The following GTF3C2 variants were observed in gnomAD, a reference collection of about 807,000 sequenced individuals.
GTF3C2 encodes general transcription factor IIIC subunit 2, also known as general transcription factor 3C polypeptide 2.
GTF3C2 carries 17 observed loss-of-function variants against 117.4 expected under a neutral mutation model. The ratio of observed to expected loss-of-function variants is 0.14; its 90% CI spans 0.10 to 0.22. The LOEUF (loss-of-function observed/expected upper bound fraction) is 0.22. Ranked by LOEUF, GTF3C2 falls within the 10% of genes least tolerant of loss-of-function variation. The pLI, the probability that GTF3C2 is intolerant of heterozygous loss-of-function variation, is 1.00. For missense variants in GTF3C2, 888 were observed against 1,143.6 expected, an observed-to-expected ratio of 0.78 and a Z score of 3.22; for synonymous variants, 437 against 427.0, an observed-to-expected ratio of 1.02 and a Z score of -0.29.
At chr2:27,330,140 C>CAAA (rs35471821) in intron 12 of GTF3C2, among the ~76,000 whole-genome samples, 8 of 84,244 alleles carry the variant, frequency 9.5e-5, no homozygotes, top group East Asian at 4.6e-4. Flanking sequence ...GACTCCGTCT[C>CAAA]AAAAAAAAAA....
Position 27,337,592 on chromosome 2 carries a change from G to C in GTF3C2, c.951-34C>G, listed in dbSNP as rs746426647. ...ACAGAAGAAGCATTAATGAAGGAGA[G>C]GGATTCTACAGCCGCACAGTCCAAT... On this transcript the variant is annotated intron_variant, in intron 5 of 18. Transcript: ENST00000264720. The C allele has an allele frequency of 2.9e-6, 4 of 1,392,296 alleles. No individual in the cohort carries two copies. In the Admixed American group the frequency reaches 5.0e-5, roughly 17 times the overall value. 86.2% of individuals were successfully genotyped at this position (1,392,296 alleles called of 1,614,324 possible). A position where few individuals can be genotyped will look rare whatever the true frequency, so the allele number is the denominator to read the frequency against.
At chr2:27,339,525 T>A (rs540788546) in intron 4 of GTF3C2, 4 of 152,278 alleles carry the variant, frequency 2.6e-5, no homozygotes, top group African/African-American at 7.2e-5. Context: ...TTGATTTTTT[T>A]AAATGTTGCA....
At chr2:27,337,131 A>C in intron 7 of GTF3C2, 113 bp downstream of exon 7, 1 of 665,370 alleles carries the variant, frequency 1.5e-6, no homozygotes, top group South Asian at 1.9e-5. Context: ...TCTTGGGACC[A>C]ACTGAACCAG....
chr2:27,356,242 G>A, intron 1 of GTF3C2: 1 of 496,036 alleles, frequency 2.0e-6, no homozygotes, highest in Non-Finnish European at 3.7e-6. Context: ...GCAGCGCGCG[G>A]GGCACAACCC....
At chr2:27,354,246 C>T (rs555394158) in intron 1 of GTF3C2, among the ~76,000 whole-genome samples, 5 of 151,926 alleles carry the variant, frequency 3.3e-5, no homozygotes, top group East Asian at 1.9e-4. Flanking sequence ...TCATGCCACT[C>T]GACTCCAGCC....
intron 12 of GTF3C2, among the ~76,000 whole-genome samples, chr2:27,333,126 G>A (rs1210588368): frequency 6.6e-6 from 1 of 150,612 alleles, no homozygotes; most frequent in African/African-American, 2.4e-5. Flanking sequence ...GGAATTATAG[G>A]CATGAGCCAC....
chr2:27,328,759 C>A, intron 15 of GTF3C2, 85 bp downstream of exon 15: 1 of 1,134,766 alleles, frequency 8.8e-7, no homozygotes, highest in Non-Finnish European at 1.3e-6. Context: ...TCCTTCTACC[C>A]AAAACTACTG....
chr2:27,337,463 GAT>G lies in GTF3C2; in HGVS notation c.1028+16_1028+17del. 1 of 1,567,854 alleles carries G rather than the reference GAT, an allele frequency of 6.4e-7. No homozygotes were observed. Among genetic ancestry groups the G allele is most frequent in the African/African-American group, 1.3e-5 (1 of 74,152 alleles). ...GGTGTCACCCTTCCTAAGCTACAGA[GAT>G]GTTGCTTCAACTTACAGCTCAGATA... On this transcript the variant is annotated intron_variant, in intron 6 of 18. Transcript: ENST00000264720.
intron 17 of GTF3C2, 101 bp downstream of exon 17, chr2:27,327,936 A>C (rs1680141868): frequency 2.1e-6 from 2 of 970,038 alleles, no homozygotes; most frequent in Non-Finnish European, 3.1e-6. Flanking sequence ...GAGGCTCCTT[A>C]GTTTTACATC....
intron 15 of GTF3C2, 51 bp downstream of exon 15, chr2:27,328,793 A>C: frequency 7.4e-7 from 1 of 1,355,078 alleles, no homozygotes; most frequent in African/African-American, 1.4e-5. Context: ...ATAGTGCATA[A>C]ATGAGCCATT....
At chr2:27,326,740 G>A in exon 19 of GTF3C2, 1 of 1,614,098 alleles carries the variant, frequency 6.2e-7, no homozygotes. Flanking sequence ...GGGGAGGATG[G>A]TTGGAACATA....
intron 1 of GTF3C2, among the ~76,000 whole-genome samples, chr2:27,347,203 A>G (rs1178349870): frequency 6.6e-6 from 1 of 152,220 alleles, no homozygotes; most frequent in Non-Finnish European, 1.5e-5. Flanking sequence ...AGGGGCAGAC[A>G]TAGTTCAAAT....
At chr2:27,347,219 G>A (rs1680948689) in intron 1 of GTF3C2, among the ~76,000 whole-genome samples, 1 of 152,292 alleles carries the variant, frequency 6.6e-6, no homozygotes, top group South Asian at 2.1e-4. Flanking sequence ...CAAATCCCAG[G>A]ATGGGACCCC....
exon 3 of GTF3C2, chr2:27,342,940 A>G: frequency 6.2e-7 from 1 of 1,614,188 alleles, no homozygotes; most frequent in Non-Finnish European, 8.5e-7. Context: ...CTTCAGCAGC[A>G]GCAGCTCTGC....
rs1272241230 is a variant in GTF3C2 at position 27,329,580 on chromosome 2, A to G, written c.1733-57T>C. ...AAGCAAGTTCTCTCTTCCTTGCTCT[A>G]ATTTCTTTCTCTGGGCTCCTAGGAC... is the stretch of plus-strand genomic sequence containing the variant. On this transcript the variant is annotated intron_variant, in intron 12 of 18. Transcript: ENST00000264720. The surrounding 1 kb of genome is among the most constrained non-coding windows in gnomAD (Gnocchi z 4.5). The G allele has an allele frequency of 1.0e-5, 16 of 1,561,674 alleles. No individual in the cohort carries two copies. The highest frequency in any genetic ancestry group is 1.4e-5 in the African/African-American group (1 of 73,612).
intron 4 of GTF3C2, 29 bp downstream of exon 4, chr2:27,341,919 C>T (rs755442591): frequency 6.3e-7 from 1 of 1,589,722 alleles, no homozygotes; most frequent in South Asian, 1.1e-5. Context: ...TACTATGTCC[C>T]CATTCACTTT....
At chr2:27,327,911 CCA>C in intron 17 of GTF3C2, 124 bp downstream of exon 17, 1 of 693,748 alleles carries the variant, frequency 1.4e-6, no homozygotes, top group Non-Finnish European at 2.4e-6. Context: ...CAGGCATGAG[CCA>C]CTGCACCTGG....
At chr2:27,334,047 A>G in intron 10 of GTF3C2, 48 bp from the exon 11 acceptor site, 1 of 1,469,092 alleles carries the variant, frequency 6.8e-7, no homozygotes, top group Non-Finnish European at 9.5e-7. Context: ...CCAAGGACTC[A>G]GCAGGTCTTA....
chr2:27,350,200 C>T (rs1015495262), intron 1 of GTF3C2: 1 of 152,856 alleles, frequency 6.5e-6, no homozygotes, highest in Non-Finnish European at 1.5e-5. Flanking sequence ...ATTCACTACA[C>T]GGTATTAAAC....
Sources: allele counts gnomAD v4.1 joint callset (sites outside exome capture counted in the v4.1 genomes callset), GRCh38; gene constraint gnomAD v4.1.1; non-coding constraint Gnocchi (gnomAD v3.1); transcripts MANE v1.5; gene names NCBI Gene and HGNC (gene_info 2026-07-23, HGNC 2026-07-21).